ZNF770: variants seen among roughly 807,000 people sequenced by gnomAD.
ZNF770 encodes zinc finger protein 770.
Under a neutral mutation model 44.8 loss-of-function variants are expected in ZNF770, and 13 were observed. The ratio of observed to expected loss-of-function variants is 0.29; its 90% CI spans 0.19 to 0.46. The LOEUF is 0.46. Ranked by LOEUF, ZNF770 falls within the 20% of genes least tolerant of loss-of-function variation. The probability of loss-of-function intolerance (pLI) is 1.00; values close to 1 mark genes in which losing one functional copy is unlikely to be tolerated. For missense variants in ZNF770, 681 were observed against 797.9 expected, an observed-to-expected ratio of 0.85 and a Z score of 1.77; for synonymous variants, 304 against 271.8, an observed-to-expected ratio of 1.12 and a Z score of -1.17.
chr15:34,983,037 A>G lies in ZNF770; in HGVS notation c.398T>C (p.Phe133Ser). The part of the protein sequence containing the change: ...EKSMYGVYNT[F>S]TTEERWALHP... ...TAATGCCCATCTTTCCTCTGTGGTA[A>G]AAGTATTATACACTCCATACATTGA... The change falls in exon 3 of 3, where the codon TTT (phenylalanine) becomes TCT (serine). Residue 133 changes from phenylalanine to serine, a missense_variant. Around this residue, in one of 5 missense-constraint regions of ZNF770, gnomAD observed 432 missense variants for 434.1 expected, o/e 1.00. Coordinates refer to ENST00000356321, the MANE Select transcript of ZNF770 (RefSeq NM_014106.4). The G allele has an allele frequency of 2.5e-6, 4 of 1,614,030 alleles. No individual in the cohort carries two copies. The highest frequency in any genetic ancestry group is 3.4e-6 in the Non-Finnish European group (4 of 1,179,950).
rs887362564 is a variant in ZNF770 at position 34,979,801 on chromosome 15, C to G, written c.*1558G>C. 9 of 382,162 alleles carry G rather than the reference C, an allele frequency of 2.4e-5. No homozygotes were observed. The highest frequency in any genetic ancestry group is 1.7e-4 in the African/African-American group (8 of 46,702). The allele number at this position is 382,162 out of a possible 1,614,324, so 23.7% of individuals were successfully genotyped here. On this transcript the variant is annotated 3_prime_UTR_variant, in exon 3 of 3. Transcript: ENST00000356321. ...ATTACCCACCTGTTCCTCTTTTCAG[C>G]TTAGAAACATAACGGTTCATTCCTT...
At chr15:34,983,767 C>G (rs1389705539) in intron 2 of ZNF770, among the ~76,000 whole-genome samples, 2 of 152,030 alleles carry the variant, frequency 1.3e-5, no homozygotes, top group African/African-American at 4.8e-5. Flanking sequence ...GGCTGAATTT[C>G]TTAACATGAA....
Position 34,983,161 on chromosome 15 carries a change from T to C in ZNF770, c.274A>G (p.Asn92Asp). Residue 92 changes from asparagine to aspartate, a missense_variant, in exon 3 of 3, where the codon AAT becomes GAT. This residue lies in a region of ZNF770 where 65 missense variants were observed against 115.0 expected (regional missense o/e 0.57). Coordinates refer to ENST00000356321, the MANE Select transcript of ZNF770 (RefSeq NM_014106.4). Reference sequence around the variant, plus strand: ...TGGTGCTTCACAAATGTCTTCAGATTTTTAAAGTGACGCTGACAAATACTA... The same window carrying C: ...TGGTGCTTCACAAATGTCTTCAGATCTTTAAAGTGACGCTGACAAATACTA... ...KCSICQRHFK[N>D]LKTFVKHQQL... The C allele has an allele frequency of 6.2e-7, 1 of 1,613,976 alleles. No homozygotes were observed. The highest frequency in any genetic ancestry group is 8.5e-7 in the Non-Finnish European group (1 of 1,179,978).
Position 34,984,730 on chromosome 15 carries a change from T to C in ZNF770, c.-56-1240A>G, listed in dbSNP as rs780693991. ...GCATAGAGGTAATAAGATCGACAAA[T>C]TGGTTACTTATATAGCTATCTATGA... On this transcript the variant is annotated intron_variant, in intron 2 of 2. Coordinates refer to ENST00000356321, the MANE Select transcript of ZNF770 (RefSeq NM_014106.4). 5.9e-5 allele frequency among the ~76,000 whole-genome samples: 9 copies of C among 151,966 alleles called. No homozygotes were observed. The East Asian group carries it at 7.7e-4, about 13-fold the overall frequency.
rs2050393210 is a variant in ZNF770 at position 34,980,392 on chromosome 15, A to T, written c.*967T>A. ...ACATCCTAGCCTCTCGCCTACTTTT[A>T]AATTATTTTGAGAAAGATAGCACTA... On this transcript the variant is annotated 3_prime_UTR_variant, in exon 3 of 3. Coordinates refer to ENST00000356321, the MANE Select transcript of ZNF770 (RefSeq NM_014106.4). 1 of 152,216 alleles carries T rather than the reference A, an allele frequency of 6.6e-6. No individual in the cohort carries two copies. The highest frequency in any genetic ancestry group is 2.1e-4 in the South Asian group (1 of 4,836). The allele number at this position is 152,216 out of a possible 1,614,324, so 9.4% of individuals were successfully genotyped here.
Position 34,981,155 on chromosome 15 carries a change from G to T in ZNF770, c.*204C>A. 1.8e-6 allele frequency: 1 copy of T among 568,826 alleles called. No homozygotes were observed. The highest frequency in any genetic ancestry group is 3.0e-6 in the Non-Finnish European group (1 of 329,352). 35.2% of individuals were successfully genotyped at this position (568,826 alleles called of 1,614,324 possible). A position where few individuals can be genotyped will look rare whatever the true frequency, so the allele number is the denominator to read the frequency against. ...TGCCTACTTTATAGCATCAAATCAT[G>T]TTCTTGCCTCTAAAATTAACTTGGC... On this transcript the variant is annotated 3_prime_UTR_variant, in exon 3 of 3. Transcript: ENST00000356321.
intron 2 of ZNF770, among the ~76,000 whole-genome samples, 181 bp from the exon 3 acceptor site, chr15:34,983,671 G>T (rs369488360): frequency 6.6e-6 from 1 of 152,172 alleles, no homozygotes; most frequent in East Asian, 1.9e-4. Context: ...TACATACAGA[G>T]ATATGAGTCT....
chr15:34,987,980 C>CA lies in ZNF770; in HGVS notation c.-174+135dup, dbSNP rs58868853. 1,262 of 151,684 alleles carry CA rather than the reference C, an allele frequency of 8.3e-3. 15 individuals carry two copies. The highest frequency in any genetic ancestry group is 0.024 in the African/African-American group (1,000 of 41,442). The allele number at this position is 151,684 out of a possible 1,614,324, so 9.4% of individuals were successfully genotyped here. A position where few individuals can be genotyped will look rare whatever the true frequency, so the allele number is the denominator to read the frequency against. On this transcript the variant is annotated intron_variant, in intron 1 of 2. Transcript: ENST00000356321. ...CATGTGATACAACCCACAGCAACAA[C>CA]AAAAAAAAATCCCTCTACGCCTTCC...
At chr15:34,986,477 T>G (rs965844762) in intron 2 of ZNF770, among the ~76,000 whole-genome samples, 1 of 152,212 alleles carries the variant, frequency 6.6e-6, no homozygotes, top group Non-Finnish European at 1.5e-5. Context: ...AATTAAGTCA[T>G]GAATCCAGTG....
In ZNF770 at chr15:34,980,338, C is replaced by T. The variant is rs1278851925; in HGVS notation, c.*1021G>A. The stretch of plus-strand genomic sequence containing the variant: ...AAGACTATGGCACTTAGAAAATATT[C>T]CTGGTAAGTAAACATGGTAAATATA... On this transcript the variant is annotated 3_prime_UTR_variant, in exon 3 of 3. Coordinates refer to ENST00000356321, the MANE Select transcript of ZNF770 (RefSeq NM_014106.4). 6.6e-6 allele frequency: 1 copy of T among 152,050 alleles called. No homozygotes were observed. The allele number at this position is 152,050 out of a possible 1,614,324, so 9.4% of individuals were successfully genotyped here.
In ZNF770 at chr15:34,981,059, A is replaced by G. The variant is rs2140519710; in HGVS notation, c.*300T>C. ...ATTCCTTTAAAAAATGAATGAGGCT[A>G]AATTATTTGTACAGCCATCATGGAT... On this transcript the variant is annotated 3_prime_UTR_variant, in exon 3 of 3. Transcript: ENST00000356321. 3.5e-6 allele frequency: 1 copy of G among 283,372 alleles called. No individual in the cohort carries two copies. The allele number at this position is 283,372 out of a possible 1,614,324, so 17.6% of individuals were successfully genotyped here.
intron 2 of ZNF770, among the ~76,000 whole-genome samples, chr15:34,987,166 T>C (rs933228727): frequency 1.4e-4 from 21 of 152,266 alleles, no homozygotes; most frequent in Non-Finnish European, 3.1e-4. Flanking sequence ...AAAACAGGGA[T>C]TGGCTACCTA....
At chr15:34,984,856 AG>A (rs1249456605) in intron 2 of ZNF770, among the ~76,000 whole-genome samples, 4 of 151,440 alleles carry the variant, frequency 2.6e-5, no homozygotes, top group Non-Finnish European at 5.9e-5. Context: ...AAACTGGCCC[AG>A]TGCAGTGGCT....
rs763585955 is a variant in ZNF770, at chr15:34,982,030, G to A, written c.1405C>T (p.Arg469Cys). Residue 469 changes from arginine to cysteine, a missense_variant, in exon 3 of 3, where the codon CGT (arginine) becomes TGT (cysteine). Physicochemically the swap from Arg to Cys is radical, Grantham distance 180. Transcript: ENST00000356321. ...CAAGGACATATCTTATGTCTAGTAC[G>A]TATGTTTTCCCTTGGAACTGAAAAA... The part of the protein sequence containing the change: ...CGFSVPRENI[R>C]TRHKICPCDK... 8.1e-6 allele frequency: 13 copies of A among 1,613,478 alleles called. No homozygotes were observed. Among genetic ancestry groups the A allele is most frequent in the Admixed American group, 1.7e-5 (1 of 59,972 alleles).
Position 34,981,285 on chromosome 15 carries a change from A to G in ZNF770, c.*74T>C, listed in dbSNP as rs1432070597. ...TCAGTTTAATGCAGGCCTTTCAATA[A>G]AAATGCATTTTAAATAATACAGGCT... is the stretch of plus-strand genomic sequence containing the variant. On this transcript the variant is annotated 3_prime_UTR_variant, in exon 3 of 3. Coordinates refer to ENST00000356321, the MANE Select transcript of ZNF770 (RefSeq NM_014106.4). 2 of 1,429,020 alleles carry G rather than the reference A, an allele frequency of 1.4e-6. No individual in the cohort carries two copies. Among genetic ancestry groups the G allele is most frequent in the East Asian group, 2.4e-5 (1 of 40,888 alleles). 88.5% of individuals were successfully genotyped at this position (1,429,020 alleles called of 1,614,324 possible).
At position 34,981,739 on chromosome 15, in the gene ZNF770, C is replaced by T; in HGVS notation, c.1696G>A (p.Val566Ile). The T allele has an allele frequency of 6.2e-7, 1 of 1,614,114 alleles. No homozygotes were observed. Among genetic ancestry groups the T allele is most frequent in the Non-Finnish European group, 8.5e-7 (1 of 1,180,038 alleles). Residue 566 changes from valine to isoleucine, a missense_variant, in exon 3 of 3, where the codon GTT becomes ATT. Around this residue, in one of 5 missense-constraint regions of ZNF770, gnomAD observed 148 missense variants for 191.0 expected, o/e 0.77. Coordinates refer to ENST00000356321, the MANE Select transcript of ZNF770 (RefSeq NM_014106.4). ...GACTCTGAGACCTCGTATTTTTGAA[C>T]ACCAGGAGCCTGACATTGTTGGGAA... ...NASQQCQAPG[V>I]QKYEVSESDQ...
Position 34,983,118 on chromosome 15 carries a change from G to A in ZNF770, c.317C>T (p.Thr106Ile). ...GACCTGTTTAACATTATTCTGATAG[G>A]TTTCATTGTGAAGTTGTTGGTGCTT... ...FVKHQQLHNE[T>I]YQNNVKQVRR... Residue 106 changes from threonine (T) to isoleucine (I), a missense_variant, in exon 3 of 3, where the codon ACC becomes ATC. This residue lies in a region of ZNF770 where 432 missense variants were observed against 434.1 expected (regional missense o/e 1.00). Transcript: ENST00000356321. The A allele has an allele frequency of 1.2e-6, 2 of 1,613,988 alleles. No individual in the cohort carries two copies. Among genetic ancestry groups the A allele is most frequent in the Non-Finnish European group, 1.7e-6 (2 of 1,179,970 alleles).
chr15:34,981,500 T>C lies in ZNF770; in HGVS notation c.1935A>G (p.Leu645=), dbSNP rs773501078. 1 of 1,614,224 alleles carries C rather than the reference T, an allele frequency of 6.2e-7. No homozygotes were observed. Among genetic ancestry groups the C allele is most frequent in the Non-Finnish European group, 8.5e-7 (1 of 1,180,026 alleles). ...RSPSKLERHY[L]IHAGQKPFEC... ...CAAATGGTTTCTGCCCTGCATGAAT[T>C]AGGTAGTGTCTTTCCAGTTTAGATG... Residue 645 remains leucine (L), a synonymous_variant, in exon 3 of 3, where the codon CTA becomes CTG. Coordinates refer to ENST00000356321, the MANE Select transcript of ZNF770 (RefSeq NM_014106.4).
rs749231738 is a variant in ZNF770 at position 34,981,593 on chromosome 15, T to C, written c.1842A>G (p.Ser614=). ...SEQSNPFCSY[S]EHQEKNDVFL... Reference sequence around the variant, plus strand: ...AGACATCATTTTTCTCCTGATGCTCTGAATAACTGCAAAAAGGATTGCTTT... The same window carrying C: ...AGACATCATTTTTCTCCTGATGCTCCGAATAACTGCAAAAAGGATTGCTTT... The change falls in exon 3 of 3, where the codon TCA becomes TCG. Residue 614 remains serine (S), a synonymous_variant. Coordinates refer to ENST00000356321, the MANE Select transcript of ZNF770 (RefSeq NM_014106.4). The C allele has an allele frequency of 1.2e-6, 2 of 1,614,182 alleles. No individual in the cohort carries two copies. Among genetic ancestry groups the C allele is most frequent in the Non-Finnish European group, 1.7e-6 (2 of 1,180,034 alleles).
Sources: gnomAD v4.1 joint callset for allele counts (sites outside exome capture counted in the v4.1 genomes callset) on GRCh38, gnomAD v4.1.1 for gene constraint, gnomAD v4.1.1 regional missense constraint, MANE v1.5 for transcripts, NCBI Gene and HGNC (gene_info 2026-07-23, HGNC 2026-07-21) for gene names.